The following SLC4A8 variants were observed in gnomAD, a reference collection of about 807,000 sequenced individuals.
SLC4A8 encodes the protein solute carrier family 4 member 8, also known as electroneutral sodium bicarbonate exchanger 1.
SLC4A8 carries 40 observed loss-of-function variants against 125.0 expected under a neutral mutation model. That is an observed-to-expected ratio of 0.32 (90% CI 0.25 to 0.42). The LOEUF (loss-of-function observed/expected upper bound fraction) is 0.42, where lower values mean the gene tolerates loss of function less well. SLC4A8 is among the 10% of genes least tolerant of loss of function. SLC4A8 has a pLI of 1.00. For synonymous variants in SLC4A8, 456 were observed against 476.0 expected, an observed-to-expected ratio of 0.96 and a Z score of 0.55; for missense variants, 863 against 1,355.1, an observed-to-expected ratio of 0.64 and a Z score of 5.70.
chr12:51,474,335 C>G lies in SLC4A8; in HGVS notation c.1905-7C>G, dbSNP rs1295535722. 2 of 1,538,704 alleles carry G rather than the reference C, an allele frequency of 1.3e-6. No homozygotes were observed. Among genetic ancestry groups the G allele is most frequent in the East Asian group, 2.3e-5 (1 of 43,768 alleles). On this transcript the variant is annotated splice_polypyrimidine_tract_variant and splice_region_variant and intron_variant, in intron 14 of 24. Coordinates refer to ENST00000453097, the MANE Select transcript of SLC4A8 (RefSeq NM_001039960.3). ...TCCTCAGGAATCTTTTTAATTTTTCCCCTCAGCTGCAGGTGTACTCTGCCA... is the reference window on the plus strand; with the variant it reads ...TCCTCAGGAATCTTTTTAATTTTTCGCCTCAGCTGCAGGTGTACTCTGCCA...
chr12:51,500,473 T>G (rs1187420346), intron 22 of SLC4A8, among the ~76,000 whole-genome samples: 1 of 152,100 alleles, frequency 6.6e-6, no homozygotes, highest in African/African-American at 2.4e-5. Context: ...ATATTCTGAT[T>G]TTTCCCCTCA....
chr12:51,504,660 A>G (rs990351626), intron 23 of SLC4A8, among the ~76,000 whole-genome samples: 2 of 152,248 alleles, frequency 1.3e-5, no homozygotes, highest in Admixed American at 6.5e-5. Flanking sequence ...ATGAAATCCA[A>G]TGCTTGGGCA....
intron 1 of SLC4A8, among the ~76,000 whole-genome samples, chr12:51,407,559 G>A (rs7973031): frequency 0.49 from 74,300 of 151,860 alleles, 18,311 homozygotes; most frequent in East Asian, 0.65. Flanking sequence ...GTGAGCCACC[G>A]TGCCCGGCTT....
At chr12:51,456,492 T>C (rs1376870809) in intron 5 of SLC4A8, among the ~76,000 whole-genome samples, 1 of 152,180 alleles carries the variant, frequency 6.6e-6, no homozygotes, top group African/African-American at 2.4e-5. Flanking sequence ...AATATGTTCA[T>C]AATATTTTAG....
At chr12:51,480,508 C>CT in intron 16 of SLC4A8, 6 of 1,025,986 alleles carry the variant, frequency 5.8e-6, no homozygotes, top group Non-Finnish European at 7.0e-6. Flanking sequence ...GAAGTTCTCA[C>CT]TGTATGTGGA....
chr12:51,448,593 C>T (rs1330125673), intron 2 of SLC4A8, among the ~76,000 whole-genome samples: 3 of 152,156 alleles, frequency 2.0e-5, no homozygotes, highest in Non-Finnish European at 4.4e-5. Flanking sequence ...GGGGATGGAG[C>T]AGCACAGTCA....
intron 1 of SLC4A8, among the ~76,000 whole-genome samples, chr12:51,416,373 C>T (rs993389717): frequency 2.0e-5 from 3 of 152,028 alleles, no homozygotes; most frequent in Non-Finnish European, 2.9e-5. Flanking sequence ...CTGGGCACGG[C>T]GGCTCTTGCC....
At chr12:51,464,049 G>A (rs902031508) in intron 11 of SLC4A8, among the ~76,000 whole-genome samples, 1 of 152,052 alleles carries the variant, frequency 6.6e-6, no homozygotes, top group Non-Finnish European at 1.5e-5. Context: ...CCTTTGGAAA[G>A]CCTTCTAGGA....
chr12:51,468,573 C>CA lies in SLC4A8; in HGVS notation c.1350-1040dup, dbSNP rs1169466628. ...AGGAGGTCGAGACCATCCTGGCTAA[C>CA]ACGGTGAAACCCCGACTCTACTAAA... On this transcript the variant is annotated intron_variant, in intron 11 of 24. Coordinates refer to ENST00000453097, the MANE Select transcript of SLC4A8 (RefSeq NM_001039960.3). Among the ~76,000 whole-genome samples the CA allele has an allele frequency of 2.0e-5, 3 of 152,266 alleles. No homozygotes were observed. In the East Asian group the frequency reaches 5.8e-4, roughly 29 times the overall value.
intron 1 of SLC4A8, among the ~76,000 whole-genome samples, chr12:51,393,595 G>T (rs530970130): frequency 6.6e-6 from 1 of 152,172 alleles, no homozygotes; most frequent in Non-Finnish European, 1.5e-5. Flanking sequence ...GTTCTTTGAT[G>T]GAGTCAGGAG....
At chr12:51,502,537 C>CT (rs111608773) in intron 22 of SLC4A8, among the ~76,000 whole-genome samples, 78,984 of 146,248 alleles carry the variant, frequency 0.54, 20,974 homozygotes, top group African/African-American at 0.57. Context: ...TGCCTGACCT[C>CT]TTTTTTTTTT....
chr12:51,432,821 T>G (rs893014709), intron 1 of SLC4A8, among the ~76,000 whole-genome samples: 1 of 151,726 alleles, frequency 6.6e-6, no homozygotes, highest in African/African-American at 2.4e-5. Context: ...TTGACTTTTT[T>G]GGGGGGGGTC....
Position 51,460,084 on chromosome 12 carries a change from T to A in SLC4A8, c.989T>A (p.Leu330Gln). 6.2e-7 allele frequency: 1 copy of A among 1,613,916 alleles called. No individual in the cohort carries two copies. Among genetic ancestry groups the A allele is most frequent in the Non-Finnish European group, 8.5e-7 (1 of 1,179,788 alleles). Residue 330 changes from leucine (L) to glutamine (Q), a missense_variant, in exon 8 of 25, where the codon CTA becomes CAA. Physicochemically the swap from Leu to Gln is moderately radical, Grantham distance 113. Around this residue, in one of 6 missense-constraint regions of SLC4A8, gnomAD observed 390 missense variants for 634.4 expected, o/e 0.61. Coordinates refer to ENST00000453097, the MANE Select transcript of SLC4A8 (RefSeq NM_001039960.3). ...TCTCCAGCTGTTCTTCTCTCAGGCC[T>A]AACAGAAGTGCCAATCCCAACAAGG... ...RLSPAVLLSG[L>Q]TEVPIPTRFL... is the part of the protein sequence containing the mutation.
Position 51,469,519 on chromosome 12 carries a change from A to G in SLC4A8, c.1350-95A>G. Reference sequence around the variant, plus strand: ...ACTGAAGCCAAAGTCTTACCGCTGAACAGAGCACATTTGAAATGCTTTCAA... The same window carrying G: ...ACTGAAGCCAAAGTCTTACCGCTGAGCAGAGCACATTTGAAATGCTTTCAA... On this transcript the variant is annotated intron_variant, in intron 11 of 24. Transcript: ENST00000453097. The G allele has an allele frequency of 6.2e-6, 7 of 1,132,136 alleles. No homozygotes were observed. In the South Asian group the frequency reaches 1.0e-4, roughly 17 times the overall value. The allele number at this position is 1,132,136 out of a possible 1,614,324, so 70.1% of individuals were successfully genotyped here. A position where few individuals can be genotyped will look rare whatever the true frequency, so the allele number is the denominator to read the frequency against.
chr12:51,423,842 T>C (rs1439246934), upstream of SLC4A8, among the ~76,000 whole-genome samples: 1 of 151,870 alleles, frequency 6.6e-6, no homozygotes, highest in Non-Finnish European at 1.5e-5. Flanking sequence ...CAGACCAGCC[T>C]GGCCAACATG....
chr12:51,495,984 T>C (rs1423515388), intron 21 of SLC4A8, among the ~76,000 whole-genome samples: 1 of 152,234 alleles, frequency 6.6e-6, no homozygotes, highest in African/African-American at 2.4e-5. Context: ...TTCAGTTCTT[T>C]GGGGTATATG....
At position 51,474,025 on chromosome 12, in the gene SLC4A8, C is replaced by CA. The variant is rs373437198; in HGVS notation, c.1905-310dup. 1.4e-3 allele frequency among the ~76,000 whole-genome samples: 26 copies of CA among 17,968 alleles called. No homozygotes were observed. The East Asian group carries it at 0.037, about 26-fold the overall frequency. 11.8% of individuals were successfully genotyped at this position (17,968 alleles called of 152,430 possible). On this transcript the variant is annotated intron_variant, in intron 14 of 24. Transcript: ENST00000453097. ...CTAAGAGATAGAAATCGGGCAAAAA[C>CA]AAAAAAACAAAACAAAAACAAAAAC...
At chr12:51,468,686 G>A (rs1337065561) in intron 11 of SLC4A8, among the ~76,000 whole-genome samples, 1 of 152,196 alleles carries the variant, frequency 6.6e-6, no homozygotes, top group African/African-American at 2.4e-5. Flanking sequence ...TGTGAACCCA[G>A]GAGGCGGAGC....
intron 16 of SLC4A8, among the ~76,000 whole-genome samples, chr12:51,481,350 A>G (rs1225570483): frequency 6.6e-6 from 1 of 152,126 alleles, no homozygotes; most frequent in Non-Finnish European, 1.5e-5. Flanking sequence ...CCCCTCAAAA[A>G]CAAATCTATT....
Sources: allele counts gnomAD v4.1 joint callset (sites outside exome capture counted in the v4.1 genomes callset), GRCh38; gene constraint gnomAD v4.1.1; regional missense constraint gnomAD v4.1.1; transcripts MANE v1.5; gene names NCBI Gene and HGNC (gene_info 2026-07-23, HGNC 2026-07-21).